The following HP1BP3 variants were observed in gnomAD, a reference collection of about 807,000 sequenced individuals.
The protein encoded by HP1BP3 is heterochromatin protein 1-binding protein 3.
In HP1BP3, 12 loss-of-function variants were observed where a neutral mutation model predicts 62.5. The observed-to-expected ratio is 0.19, with a 90% CI of 0.12 to 0.31. The LOEUF (loss-of-function observed/expected upper bound fraction) is 0.31, where lower values mean the gene tolerates loss of function less well. Ranked by LOEUF, HP1BP3 falls within the 10% of genes least tolerant of loss-of-function variation. The pLI, the probability that HP1BP3 is intolerant of heterozygous loss-of-function variation, is 1.00. For missense variants in HP1BP3, 502 were observed against 651.8 expected (o/e 0.77, Z 2.50); for synonymous variants, 260 against 237.8 (o/e 1.09, Z -0.86).
chr1:20,767,339 T>C (rs948149120), intron 7 of HP1BP3, among the ~76,000 whole-genome samples: 5 of 152,170 alleles, frequency 3.3e-5, no homozygotes, highest in African/African-American at 9.7e-5. Flanking sequence ...GTGTAATTTA[T>C]ATAGCTGCCC....
intron 5 of HP1BP3, among the ~76,000 whole-genome samples, chr1:20,771,500 A>T (rs910171984): frequency 1.3e-5 from 2 of 152,218 alleles, no homozygotes; most frequent in African/African-American, 4.8e-5. Flanking sequence ...GCTCTGTATG[A>T]ATGTCAGCAG....
In HP1BP3 at chr1:20,773,594, T is replaced by G; in HGVS notation, c.367A>C (p.Lys123Gln). 1 of 1,603,758 alleles carries G rather than the reference T, an allele frequency of 6.2e-7. No homozygotes were observed. The highest frequency in any genetic ancestry group is 2.2e-5 in the East Asian group (1 of 44,592). The stretch of plus-strand genomic sequence containing the variant: ...TTTTTCACTTTCTTCTCCTTTTCTT[T>G]AGACTGATCTTTCTCACTTTAAAAC... ...ETKKDEKDQS[K>Q]EKEKKVKKTI... Residue 123 changes from lysine (K) to glutamine (Q), a missense_variant, in exon 5 of 13, where the codon AAA becomes CAA. By Grantham distance (53) the Lys-to-Gln change is moderately conservative. Coordinates refer to ENST00000438032, the MANE Select transcript of HP1BP3 (RefSeq NM_001372052.1).
rs1382803104 is a variant in HP1BP3, at chr1:20,747,615, A to G, written c.1182T>C (p.Asn394=). The change falls in exon 11 of 13, where the codon AAT becomes AAC. Residue 394 remains asparagine (N), a synonymous_variant. Transcript: ENST00000438032. ...TCCCAGAGATCTGTTCCATCCACCC[A>G]TTCTTTTCGCATTTCTGCAGGGTTT... ...LKKTLQKCEK[N]GWMEQISGKG... The G allele has an allele frequency of 3.1e-6, 5 of 1,613,450 alleles. No individual in the cohort carries two copies. Among genetic ancestry groups the G allele is most frequent in the Non-Finnish European group, 4.2e-6 (5 of 1,179,842 alleles).
rs2055227401 is a variant in HP1BP3 at position 20,745,103 on chromosome 1, A to G, written c.1368-12T>C. ...TTTTCTTCTGCAACCTGTGAGAACC[A>G]AAGAGCAAAGGCCGTCATTTAGTAC... On this transcript the variant is annotated splice_polypyrimidine_tract_variant and intron_variant, in intron 12 of 12. Coordinates refer to ENST00000438032, the MANE Select transcript of HP1BP3 (RefSeq NM_001372052.1). 4 of 1,596,374 alleles carry G rather than the reference A, an allele frequency of 2.5e-6. No individual in the cohort carries two copies. Among genetic ancestry groups the G allele is most frequent in the Non-Finnish European group, 3.4e-6 (4 of 1,174,096 alleles).
At chr1:20,753,742 G>C (rs1369719694) in intron 9 of HP1BP3, among the ~76,000 whole-genome samples, 1 of 152,152 alleles carries the variant, frequency 6.6e-6, no homozygotes. Context: ...AATGTTAACA[G>C]ACCACACGAA....
At chr1:20,772,129 CAAAT>C (rs1440168313) in intron 5 of HP1BP3, among the ~76,000 whole-genome samples, 5 of 152,234 alleles carry the variant, frequency 3.3e-5, no homozygotes, top group Admixed American at 6.5e-5. Flanking sequence ...AATGCTGAAA[CAAAT>C]AATCTTTTGC....
chr1:20,765,371 T>A lies in HP1BP3; in HGVS notation c.890+6A>T. The A allele has an allele frequency of 6.3e-7, 1 of 1,593,158 alleles. No homozygotes were observed. The highest frequency in any genetic ancestry group is 8.5e-7 in the Non-Finnish European group (1 of 1,170,744). ...ATGTTTTAAAGGCCAGGCCAATGGC[T>A]CATACCTGATGTCCACTCTAAGCTT... On this transcript the variant is annotated splice_donor_region_variant and intron_variant, in intron 8 of 12. Transcript: ENST00000438032.
intron 1 of HP1BP3, among the ~76,000 whole-genome samples, chr1:20,783,922 T>C (rs1348621377): frequency 6.6e-6 from 1 of 152,228 alleles, no homozygotes; most frequent in Non-Finnish European, 1.5e-5. Flanking sequence ...CACTGTTCAT[T>C]ACAGAGCTAA....
chr1:20,779,345 A>T (rs1367070645), intron 3 of HP1BP3, among the ~76,000 whole-genome samples: 1 of 152,130 alleles, frequency 6.6e-6, no homozygotes, highest in Non-Finnish European at 1.5e-5. Context: ...TCCATTTGTT[A>T]TGCTCCCACC....
chr1:20,746,896 G>T (rs193128880), intron 11 of HP1BP3, among the ~76,000 whole-genome samples: 2 of 152,252 alleles, frequency 1.3e-5, no homozygotes, highest in East Asian at 3.9e-4. Context: ...CGCACCTGTA[G>T]TCCCAGCTAC....
chr1:20,762,706 A>C (rs2056555357), intron 8 of HP1BP3, among the ~76,000 whole-genome samples: 1 of 152,066 alleles, frequency 6.6e-6, no homozygotes, highest in Non-Finnish European at 1.5e-5. Flanking sequence ...GAGTTGTCCC[A>C]CCTTTCCAGA....
rs2057043782 is a variant in HP1BP3 at position 20,771,216 on chromosome 1, C to A, written c.511-143G>T. 92 of 639,728 alleles carry A rather than the reference C, an allele frequency of 1.4e-4. 2 individuals carry two copies. In the South Asian group the frequency reaches 1.7e-3, roughly 12 times the overall value. The allele number at this position is 639,728 out of a possible 1,614,324, so 39.6% of individuals were successfully genotyped here. A position where few individuals can be genotyped will look rare whatever the true frequency, so the allele number is the denominator to read the frequency against. ...GAATGAACTTCAGAAGACTTCAGTT[C>A]ATAATGACTACAGAGAAGTAACAGA... On this transcript the variant is annotated intron_variant, in intron 5 of 12. Transcript: ENST00000438032.
At chr1:20,750,079 G>A (rs2055612926) in intron 9 of HP1BP3, 197 bp from the exon 10 acceptor site, 5 of 1,088,940 alleles carry the variant, frequency 4.6e-6, no homozygotes, top group Non-Finnish European at 6.1e-6. Context: ...ACCCTCCTAT[G>A]GATATTTTCT....
intron 3 of HP1BP3, among the ~76,000 whole-genome samples, 194 bp downstream of exon 3, chr1:20,779,618 G>C (rs930161571): frequency 3.3e-5 from 5 of 150,086 alleles, no homozygotes; most frequent in African/African-American, 1.2e-4. Flanking sequence ...CCTTTATAGA[G>C]AAGATGAAAC....
At chr1:20,761,469 G>GTCA (rs1426581323) in intron 8 of HP1BP3, among the ~76,000 whole-genome samples, 1 of 152,196 alleles carries the variant, frequency 6.6e-6, no homozygotes, top group Non-Finnish European at 1.5e-5. Flanking sequence ...GGATAATATT[G>GTCA]TCATGAACTG....
chr1:20,786,538 G>C (rs994903749), intron 1 of HP1BP3: 1 of 152,272 alleles, frequency 6.6e-6, no homozygotes, highest in Non-Finnish European at 1.5e-5. Context: ...GATGAGGCTG[G>C]GGCTCGGCGC....
intron 9 of HP1BP3, 117 bp downstream of exon 9, chr1:20,757,049 T>C (rs1570587095): frequency 1.7e-6 from 1 of 598,662 alleles, no homozygotes; most frequent in South Asian, 2.4e-5. Context: ...TTGACAGATA[T>C]AACCCACATA....
At position 20,742,283 on chromosome 1, in the gene HP1BP3, A is replaced by G. The variant is rs1340288453; in HGVS notation, c.*2514T>C. On this transcript the variant is annotated 3_prime_UTR_variant, in exon 13 of 13. Coordinates refer to ENST00000438032, the MANE Select transcript of HP1BP3 (RefSeq NM_001372052.1). ...TAAGAATCATTACTTGCTAGAGAGC[A>G]CAGGAGTAATTACTACAATTACTTC... is the stretch of plus-strand genomic sequence containing the variant. 2.0e-5 allele frequency among the ~76,000 whole-genome samples: 3 copies of G among 152,208 alleles called. No homozygotes were observed. The highest frequency in any genetic ancestry group is 2.0e-4 in the Admixed American group (3 of 15,280).
intron 9 of HP1BP3, among the ~76,000 whole-genome samples, chr1:20,756,333 T>C (rs1557646008): frequency 6.6e-6 from 1 of 152,180 alleles, no homozygotes; most frequent in Non-Finnish European, 1.5e-5. Context: ...GAACAGATAC[T>C]AGCTGTCTTC....
Sources: allele counts gnomAD v4.1 joint callset (sites outside exome capture counted in the v4.1 genomes callset), GRCh38; gene constraint gnomAD v4.1.1; transcripts MANE v1.5; gene names NCBI Gene and HGNC (gene_info 2026-07-23, HGNC 2026-07-21).